The following ARID1B variants were observed in gnomAD, a reference collection of about 807,000 sequenced individuals.
ARID1B encodes the protein AT-rich interactive domain-containing protein 1B.
Under a neutral mutation model 212.3 loss-of-function variants are expected in ARID1B, and 30 were observed. The observed-to-expected ratio is 0.14, with a 90% confidence interval of 0.11 to 0.19. ARID1B has a LOEUF of 0.19. Ranked by LOEUF, ARID1B falls within the 10% of genes least tolerant of loss-of-function variation. ARID1B has a pLI of 1.00. For synonymous variants in ARID1B, 1,402 were observed against 1,301.7 expected, an observed-to-expected ratio of 1.08 and a Z score of -1.66; for missense variants, 2,891 against 3,204.0, an observed-to-expected ratio of 0.90 and a Z score of 2.36.
chr6:157,139,787 A>G (rs186840258), intron 7 of ARID1B, among the ~76,000 whole-genome samples: 260 of 151,528 alleles, frequency 1.7e-3, no homozygotes, highest in African/African-American at 6.1e-3. Context: ...CAGTGGTGCA[A>G]TCTCAGCTCA....
chr6:156,807,329 A>G (rs752883746), intron 1 of ARID1B, among the ~76,000 whole-genome samples: 1 of 152,076 alleles, frequency 6.6e-6, no homozygotes, highest in African/African-American at 2.4e-5. Context: ...AACCAAGCTC[A>G]GGGTTCTCTG....
chr6:156,897,180 T>TTGCTGC (rs1361255739), intron 2 of ARID1B, among the ~76,000 whole-genome samples: 4 of 145,754 alleles, frequency 2.7e-5, no homozygotes, highest in African/African-American at 7.6e-5. Flanking sequence ...AATTCTTCTT[T>TTGCTGC]TGCTGCTGCT....
chr6:156,917,373 A>C (rs1254632045), intron 3 of ARID1B, among the ~76,000 whole-genome samples: 1 of 152,188 alleles, frequency 6.6e-6, no homozygotes, highest in African/African-American at 2.4e-5. Context: ...GCATGTGGGA[A>C]TCTAGTGTTG....
chr6:156,977,259 T>C (rs1777310285), intron 4 of ARID1B, among the ~76,000 whole-genome samples: 2 of 151,970 alleles, frequency 1.3e-5, no homozygotes, highest in Admixed American at 6.5e-5. Flanking sequence ...TCAGTTTTTT[T>C]CTTCAGATAT....
At chr6:156,874,216 C>T (rs1786368045) in intron 2 of ARID1B, among the ~76,000 whole-genome samples, 1 of 152,106 alleles carries the variant, frequency 6.6e-6, no homozygotes. Flanking sequence ...AGATGTGCGC[C>T]ACCACACCTG....
At chr6:157,016,588 T>C (rs933660313) in intron 4 of ARID1B, among the ~76,000 whole-genome samples, 28 of 152,204 alleles carry the variant, frequency 1.8e-4, no homozygotes, top group African/African-American at 6.5e-4. Context: ...GATGTGCCAG[T>C]TATGGGACCT....
At chr6:156,937,283 T>C (rs1305124928) in intron 4 of ARID1B, 1 of 152,150 alleles carries the variant, frequency 6.6e-6, no homozygotes. Flanking sequence ...ATTTGGAAAT[T>C]AGCTTTTGTG....
chr6:156,837,804 C>G (rs751605431), intron 2 of ARID1B, among the ~76,000 whole-genome samples: 2 of 152,164 alleles, frequency 1.3e-5, no homozygotes, highest in Admixed American at 6.5e-5. Flanking sequence ...GGCTCTCCTC[C>G]GCAGAGCCAG....
intron 1 of ARID1B, among the ~76,000 whole-genome samples, chr6:156,785,803 C>T (rs761936467): frequency 7.2e-5 from 11 of 152,078 alleles, no homozygotes; most frequent in Admixed American, 3.3e-4. Flanking sequence ...TAAATTCTTC[C>T]GCAGACATTC....
At chr6:157,160,375 G>A (rs569631775) in intron 8 of ARID1B, among the ~76,000 whole-genome samples, 16 of 152,156 alleles carry the variant, frequency 1.1e-4, no homozygotes, top group Non-Finnish European at 2.4e-4. Context: ...ACACCTAGGA[G>A]ACAGCTAGGC....
chr6:157,125,079 G>T (rs1788047141), intron 6 of ARID1B, among the ~76,000 whole-genome samples: 1 of 152,208 alleles, frequency 6.6e-6, no homozygotes, highest in Non-Finnish European at 1.5e-5. Context: ...GTGACTGCGT[G>T]TCCAGGGTAG....
chr6:157,036,092 C>G (rs546032019), intron 4 of ARID1B, among the ~76,000 whole-genome samples: 17 of 152,320 alleles, frequency 1.1e-4, no homozygotes, highest in African/African-American at 4.1e-4. Flanking sequence ...GTTCTGTTGC[C>G]TTCTTTCCTT....
At chr6:156,962,239 C>A (rs1207571029) in intron 4 of ARID1B, among the ~76,000 whole-genome samples, 1 of 152,076 alleles carries the variant, frequency 6.6e-6, no homozygotes, top group African/African-American at 2.4e-5. Context: ...GCGGAGCTTG[C>A]AGTGAGCTGA....
intron 5 of ARID1B, among the ~76,000 whole-genome samples, chr6:157,089,805 T>A (rs1266265647): frequency 1.3e-5 from 2 of 152,204 alleles, no homozygotes; most frequent in African/African-American, 4.8e-5. Flanking sequence ...TAAGTAGATG[T>A]AATGTCAGGT....
intron 3 of ARID1B, 92 bp from the exon 4 acceptor site, chr6:156,935,374 C>T (rs1792111678): frequency 1.8e-6 from 2 of 1,129,996 alleles, no homozygotes; most frequent in Non-Finnish European, 2.6e-6. Context: ...GCCACTGTGC[C>T]CAGCCAAGCT....
chr6:157,206,593 C>T lies in ARID1B; in HGVS notation c.5821C>T (p.His1941Tyr). 1 of 1,614,146 alleles carries T rather than the reference C, an allele frequency of 6.2e-7. No individual in the cohort carries two copies. Among genetic ancestry groups the T allele is most frequent in the Non-Finnish European group, 8.5e-7 (1 of 1,180,034 alleles). Residue 1941 changes from histidine (H) to tyrosine (Y), a missense_variant, in exon 20 of 20, where the codon CAC becomes TAC. Transcript: ENST00000636930. This position sits in a 1 kb window ranked among gnomAD's most constrained non-coding sequence, Gnocchi z 6.8. Reference sequence around the variant, plus strand: ...GCAGGAGTTCAATAGTGGCCTTCTGCACTGGCAGCTCGGCGGGGGTGACAC... The same window carrying T: ...GCAGGAGTTCAATAGTGGCCTTCTGTACTGGCAGCTCGGCGGGGGTGACAC... ...RVQEFNSGLL[H>Y]WQLGGGDTTE...
At chr6:156,934,406 A>G (rs9397985) in intron 3 of ARID1B, among the ~76,000 whole-genome samples, 6,541 of 152,178 alleles carry the variant, frequency 0.043, 348 homozygotes, top group East Asian at 0.26. Context: ...GAAACCATGC[A>G]GAATACCTCT....
intron 4 of ARID1B, among the ~76,000 whole-genome samples, chr6:156,978,913 A>G (rs1436528841): frequency 6.6e-6 from 1 of 152,202 alleles, no homozygotes. Context: ...TCCATTTTCT[A>G]TCCAGATGGC....
chr6:157,062,829 G>A (rs561711565), intron 4 of ARID1B, among the ~76,000 whole-genome samples: 11 of 150,584 alleles, frequency 7.3e-5, no homozygotes, highest in South Asian at 6.3e-4. Flanking sequence ...TCAGCCTCCC[G>A]AGCAGCTGGG....
Sources: allele counts gnomAD v4.1 joint callset (sites outside exome capture counted in the v4.1 genomes callset), GRCh38; gene constraint gnomAD v4.1.1; non-coding constraint Gnocchi (gnomAD v3.1); transcripts MANE v1.5; gene names NCBI Gene and HGNC (gene_info 2026-07-23, HGNC 2026-07-21).